KLHL29: variants seen among roughly 807,000 people sequenced by gnomAD.
KLHL29 encodes kelch like family member 29.
A neutral mutation model predicts 80.4 loss-of-function variants in KLHL29; 21 were observed. The ratio of observed to expected loss-of-function variants is 0.26; its 90% CI spans 0.19 to 0.38. KLHL29 has a LOEUF of 0.38. Ranked by LOEUF, KLHL29 falls within the 10% of genes least tolerant of loss-of-function variation. KLHL29 has a pLI of 1.00. For synonymous variants in KLHL29, 511 were observed against 526.8 expected (o/e 0.97, Z 0.41); for missense variants, 867 against 1,223.9 (o/e 0.71, Z 4.35).
At chr2:23,701,547 TACG>T (rs1163076975) in intron 11 of KLHL29, among the ~76,000 whole-genome samples, 1 of 152,152 alleles carries the variant, frequency 6.6e-6, no homozygotes, top group African/African-American at 2.4e-5. Context: ...ACCTCATCTC[TACG>T]ACAAATCAAA....
rs1204714883 is a variant in KLHL29 at position 23,647,037 on chromosome 2, G to T, written c.940+4187G>T. ...GGCTAGGGAAGGGGCAGAAGGCCAGGCCCTCCCCAGCGCAGAGGAGATGGA... is the reference window on the plus strand; with the variant it reads ...GGCTAGGGAAGGGGCAGAAGGCCAGTCCCTCCCCAGCGCAGAGGAGATGGA... On this transcript the variant is annotated intron_variant, in intron 5 of 13. Coordinates refer to ENST00000486442, the MANE Select transcript of KLHL29 (RefSeq NM_052920.2). The surrounding 1 kb of genome is among the most constrained non-coding windows in gnomAD (Gnocchi z 4.9). Among the ~76,000 whole-genome samples the T allele has an allele frequency of 6.6e-6, 1 of 152,190 alleles. No individual in the cohort carries two copies. The highest frequency in any genetic ancestry group is 1.5e-5 in the Non-Finnish European group (1 of 68,028).
rs1216799237 is a variant in KLHL29 at position 23,530,224 on chromosome 2, C to T, written c.-45-31928C>T. 4.6e-5 allele frequency among the ~76,000 whole-genome samples: 7 copies of T among 152,288 alleles called. 1 individual carries two copies. In the East Asian group the frequency reaches 7.7e-4, roughly 17 times the overall value. ...CTCCAGGAGGCTGTTCTGGAATCAGCGAAGTCTTTATCCTCTTCTGGCCTT... is the reference window on the plus strand; with the variant it reads ...CTCCAGGAGGCTGTTCTGGAATCAGTGAAGTCTTTATCCTCTTCTGGCCTT... On this transcript the variant is annotated intron_variant, in intron 2 of 13. Coordinates refer to ENST00000486442, the MANE Select transcript of KLHL29 (RefSeq NM_052920.2).
At position 23,669,801 on chromosome 2, in the gene KLHL29, G is replaced by A. The variant is rs1022813690; in HGVS notation, c.941-14598G>A. Among the ~76,000 whole-genome samples, 6 of 152,172 alleles carry A rather than the reference G, an allele frequency of 3.9e-5. No individual in the cohort carries two copies. The highest frequency in any genetic ancestry group is 1.3e-4 in the Admixed American group (2 of 15,286). ...CAGCCGAGTACACAGGCCTGGCCCCGCCAGCGCAGGACAGCAACTCTTGGG... is the reference window on the plus strand; with the variant it reads ...CAGCCGAGTACACAGGCCTGGCCCCACCAGCGCAGGACAGCAACTCTTGGG... On this transcript the variant is annotated intron_variant, in intron 5 of 13. Transcript: ENST00000486442. This position sits in a 1 kb window ranked among gnomAD's most constrained non-coding sequence, Gnocchi z 4.3.
chr2:23,607,705 C>T (rs1365492717), intron 3 of KLHL29, among the ~76,000 whole-genome samples: 3 of 152,098 alleles, frequency 2.0e-5, no homozygotes, highest in Admixed American at 6.5e-5. Flanking sequence ...CTCATAGGAC[C>T]GTGAACCCTA....
intron 2 of KLHL29, among the ~76,000 whole-genome samples, chr2:23,543,260 A>G (rs1380360047): frequency 6.6e-6 from 1 of 152,160 alleles, no homozygotes; most frequent in Non-Finnish European, 1.5e-5. Flanking sequence ...ACACGGCTCC[A>G]GCTAGAATCA....
intron 3 of KLHL29, among the ~76,000 whole-genome samples, chr2:23,608,036 T>A (rs1253333791): frequency 7.7e-6 from 1 of 129,178 alleles, no homozygotes; most frequent in Non-Finnish European, 1.6e-5. Context: ...TGTCCCAAGA[T>A]GAGGAAGGAG....
Position 23,614,856 on chromosome 2 carries a change from C to T in KLHL29, c.286-24283C>T, listed in dbSNP as rs780221563. 8.4e-4 allele frequency among the ~76,000 whole-genome samples: 128 copies of T among 152,090 alleles called. 2 individuals are homozygous for T. The highest frequency in any genetic ancestry group is 2.8e-4 in the Non-Finnish European group (19 of 68,026). Reference sequence around the variant, plus strand: ...AAACAGCAGGGACCGCAAAGCCATCCGGTGGTGGGAAGATGTGGGCTGTAA... The same window carrying T: ...AAACAGCAGGGACCGCAAAGCCATCTGGTGGTGGGAAGATGTGGGCTGTAA... On this transcript the variant is annotated intron_variant, in intron 3 of 13. Coordinates refer to ENST00000486442, the MANE Select transcript of KLHL29 (RefSeq NM_052920.2).
chr2:23,448,468 T>C (rs1328846165), intron 1 of KLHL29, among the ~76,000 whole-genome samples: 2 of 152,146 alleles, frequency 1.3e-5, no homozygotes, highest in Admixed American at 1.3e-4. Flanking sequence ...CCTCACCAGC[T>C]ATTTAAGAAA....
intron 1 of KLHL29, among the ~76,000 whole-genome samples, chr2:23,468,954 G>A (rs1664423497): frequency 6.6e-6 from 1 of 152,258 alleles, no homozygotes; most frequent in Non-Finnish European, 1.5e-5. Flanking sequence ...CTTGGGATGG[G>A]CCTGACCAGG....
chr2:23,396,217 T>C (rs952714020), intron 1 of KLHL29, among the ~76,000 whole-genome samples: 2 of 152,182 alleles, frequency 1.3e-5, no homozygotes, highest in Admixed American at 1.3e-4. Context: ...ACTGCCATTG[T>C]TGGTGGCCAT....
At chr2:23,454,405 TCA>T (rs1663980019) in intron 1 of KLHL29, among the ~76,000 whole-genome samples, 1 of 152,248 alleles carries the variant, frequency 6.6e-6, no homozygotes, top group Non-Finnish European at 1.5e-5. Context: ...ATTCTTTATT[TCA>T]CAGAGTAATT....
chr2:23,474,206 G>A (rs957280797), intron 1 of KLHL29, among the ~76,000 whole-genome samples: 2 of 152,148 alleles, frequency 1.3e-5, no homozygotes, highest in Non-Finnish European at 2.9e-5. Flanking sequence ...GTTCACTCAT[G>A]TATTCCCAGT....
chr2:23,478,050 T>G (rs1478111480), intron 2 of KLHL29, among the ~76,000 whole-genome samples: 4 of 152,188 alleles, frequency 2.6e-5, no homozygotes, highest in East Asian at 1.9e-4. Flanking sequence ...GCTGGTCAGA[T>G]GCACCCTATG....
In KLHL29 at chr2:23,682,216, G is replaced by T. The variant is rs926865389; in HGVS notation, c.941-2183G>T. On this transcript the variant is annotated intron_variant, in intron 5 of 13. Transcript: ENST00000486442. This position sits in a 1 kb window ranked among gnomAD's most constrained non-coding sequence, Gnocchi z 4.1. ...ATTCCGGCCTTCTCACCTCTCCCTC[G>T]GAAAGACCGTCACCATCAGCAGCAC... Among the ~76,000 whole-genome samples, 1 of 152,074 alleles carries T rather than the reference G, an allele frequency of 6.6e-6. No individual in the cohort carries two copies. The highest frequency in any genetic ancestry group is 2.1e-4 in the South Asian group (1 of 4,824).
At chr2:23,685,801 T>A (rs1414075240) in intron 6 of KLHL29, among the ~76,000 whole-genome samples, 1 of 152,204 alleles carries the variant, frequency 6.6e-6, no homozygotes, top group Non-Finnish European at 1.5e-5. Flanking sequence ...CAGGGAGGAC[T>A]CTGTGCTGCC....
At chr2:23,546,000 C>T (rs1025329077) in intron 2 of KLHL29, among the ~76,000 whole-genome samples, 1 of 152,246 alleles carries the variant, frequency 6.6e-6, no homozygotes, top group Non-Finnish European at 1.5e-5. Context: ...AATGGACTGC[C>T]TGTGCCTACA....
chr2:23,556,973 TC>T (rs1290358990), intron 2 of KLHL29, among the ~76,000 whole-genome samples: 1 of 152,166 alleles, frequency 6.6e-6, no homozygotes, highest in East Asian at 1.9e-4. Flanking sequence ...TTGTAAACGG[TC>T]CCCTCCATAC....
At chr2:23,506,764 G>A (rs1464388217) in intron 2 of KLHL29, among the ~76,000 whole-genome samples, 1 of 152,182 alleles carries the variant, frequency 6.6e-6, no homozygotes, top group African/African-American at 2.4e-5. Context: ...CCTGGTTCCA[G>A]CCATGTAGGG....
intron 6 of KLHL29, chr2:23,690,547 G>A (rs893367076): frequency 6.6e-6 from 1 of 152,296 alleles, no homozygotes; most frequent in African/African-American, 2.4e-5. Context: ...TGAGAAGCGA[G>A]TGAGTGGACC....
Sources: gnomAD v4.1 joint callset for allele counts (sites outside exome capture counted in the v4.1 genomes callset) on GRCh38, gnomAD v4.1.1 for gene constraint, Gnocchi (gnomAD v3.1) non-coding constraint, MANE v1.5 for transcripts, NCBI Gene and HGNC (gene_info 2026-07-23, HGNC 2026-07-21) for gene names.